Variants in ERO1A observed in about 807,000 individuals in gnomAD.
ERO1A encodes the protein endoplasmic reticulum oxidoreductase 1 alpha, also known as ERO1-like protein alpha.
In ERO1A, 49 loss-of-function variants were observed where a neutral mutation model predicts 76.9. That is an observed-to-expected ratio of 0.64 (90% CI 0.51 to 0.81). The LOEUF is 0.81. Among genes scored for constraint, ERO1A ranks in the 30% least tolerant of loss-of-function variants. ERO1A has a pLI of 0.00. For synonymous variants in ERO1A, 174 were observed against 181.2 expected (o/e 0.96, Z 0.32); for missense variants, 448 against 542.1 (o/e 0.83, Z 1.72).
At chr14:52,655,402 T>C (rs1301733591) in intron 11 of ERO1A, among the ~76,000 whole-genome samples, 2 of 152,098 alleles carry the variant, frequency 1.3e-5, no homozygotes, top group African/African-American at 4.8e-5. Context: ...GTGACATCTA[T>C]CTAATTTGCT....
intron 3 of ERO1A, among the ~76,000 whole-genome samples, chr14:52,680,769 ATT>A (rs1031803536): frequency 5.3e-5 from 8 of 152,190 alleles, no homozygotes; most frequent in African/African-American, 1.7e-4. Context: ...TAATCCTTTA[ATT>A]TTCAATAAGT....
chr14:52,692,944 G>A (rs34162828), intron 1 of ERO1A, among the ~76,000 whole-genome samples: 55,571 of 147,948 alleles, frequency 0.38, 10,607 homozygotes, highest in East Asian at 0.45. Context: ...TTCCACTACT[G>A]GCCCTATTGT....
At position 52,671,368 on chromosome 14, in the gene ERO1A, G is replaced by A. The variant is rs527252165; in HGVS notation, c.508+262C>T. ...TAGAAAAGGAACTGTTATGTCATAT[G>A]GTAATTCTACGTTTAGGTTTTTGAA... On this transcript the variant is annotated intron_variant, in intron 6 of 15. Transcript: ENST00000395686. Among the ~76,000 whole-genome samples the A allele has an allele frequency of 2.6e-5, 4 of 152,158 alleles. No homozygotes were observed. The East Asian group carries it at 7.7e-4, about 29-fold the overall frequency.
At chr14:52,647,041 A>G (rs1263816155) in intron 13 of ERO1A, 2 of 133,148 alleles carry the variant, frequency 1.5e-5, no homozygotes, top group Admixed American at 8.8e-5. Flanking sequence ...CAGTGGGGGA[A>G]TCTCGCTCAC....
intron 1 of ERO1A, among the ~76,000 whole-genome samples, chr14:52,688,042 C>T (rs1247748258): frequency 6.6e-6 from 1 of 152,026 alleles, no homozygotes; most frequent in Admixed American, 6.6e-5. Context: ...AAATAACTAG[C>T]CAGGCATTGG....
chr14:52,688,009 G>A (rs2139782342), intron 1 of ERO1A, among the ~76,000 whole-genome samples: 1 of 152,180 alleles, frequency 6.6e-6, no homozygotes, highest in African/African-American at 2.4e-5. Flanking sequence ...AACACAGTGA[G>A]GCCCTATCTC....
chr14:52,657,382 T>C (rs1234519224), intron 11 of ERO1A, among the ~76,000 whole-genome samples: 1 of 152,172 alleles, frequency 6.6e-6, no homozygotes, highest in East Asian at 1.9e-4. Flanking sequence ...AGTGAGACCC[T>C]GTCTCAATCA....
chr14:52,690,643 G>C (rs1198393800), intron 1 of ERO1A, among the ~76,000 whole-genome samples: 1 of 152,096 alleles, frequency 6.6e-6, no homozygotes, highest in Non-Finnish European at 1.5e-5. Flanking sequence ...AGAGTTTGCA[G>C]TGAGCCAAGA....
chr14:52,667,603 T>C (rs1422190193), intron 6 of ERO1A, among the ~76,000 whole-genome samples: 1 of 151,826 alleles, frequency 6.6e-6, no homozygotes, highest in Non-Finnish European at 1.5e-5. Context: ...GTGCCTGTGG[T>C]CCCAGCTACC....
At position 52,691,144 on chromosome 14, in the gene ERO1A, T is replaced by G. The variant is rs188720742; in HGVS notation, c.114+4224A>C. Among the ~76,000 whole-genome samples, 9 of 152,338 alleles carry G rather than the reference T, an allele frequency of 5.9e-5. No homozygotes were observed. In the East Asian group the frequency reaches 1.7e-3, roughly 29 times the overall value. On this transcript the variant is annotated intron_variant, in intron 1 of 15. Transcript: ENST00000395686. ...ATCAATGTGCTCAAAGTGTGCTTTA[T>G]TTGGCAAAGAACTTCAGGTGTATTT...
At chr14:52,645,330 T>A (rs1007956596) in intron 15 of ERO1A, among the ~76,000 whole-genome samples, 7 of 149,294 alleles carry the variant, frequency 4.7e-5, no homozygotes, top group African/African-American at 1.7e-4. Context: ...TGAGATGATG[T>A]CTTGCTCTGT....
At chr14:52,685,917 A>C (rs999396266) in intron 1 of ERO1A, among the ~76,000 whole-genome samples, 2 of 152,224 alleles carry the variant, frequency 1.3e-5, no homozygotes, top group African/African-American at 4.8e-5. Flanking sequence ...TACTTCCAGA[A>C]AGCACACAGT....
chr14:52,672,089 G>C (rs1460928819), intron 4 of ERO1A: 2 of 385,820 alleles, frequency 5.2e-6, no homozygotes, highest in Non-Finnish European at 9.2e-6. Context: ...TGGATCACCT[G>C]AAGTCAGGAG....
At chr14:52,647,705 T>C (rs1283143795) in intron 13 of ERO1A, among the ~76,000 whole-genome samples, 2 of 152,178 alleles carry the variant, frequency 1.3e-5, no homozygotes, top group African/African-American at 4.8e-5. Flanking sequence ...AACACATCCT[T>C]CTTTTCCTTC....
rs771189185 is a variant in ERO1A at position 52,678,487 on chromosome 14, AAT to A, written c.319-17_319-16del. 2 of 1,608,036 alleles carry A rather than the reference AAT, an allele frequency of 1.2e-6. No homozygotes were observed. Among genetic ancestry groups the A allele is most frequent in the African/African-American group, 1.3e-5 (1 of 74,826 alleles). ...GGAACTTCATCCTGAAAAAGAAAAA[AAT>A]ATGTTTTTAGTTGGCATTTATTCTA... is the stretch of plus-strand genomic sequence containing the variant. On this transcript the variant is annotated splice_polypyrimidine_tract_variant and intron_variant, in intron 3 of 15. Transcript: ENST00000395686.
At chr14:52,646,019 G>A (rs748825557) in intron 15 of ERO1A, 135 bp downstream of exon 15, 3 of 1,031,710 alleles carry the variant, frequency 2.9e-6, no homozygotes, top group Non-Finnish European at 2.7e-6. Flanking sequence ...CTGGGCTACA[G>A]ACCAAAACTC....
intron 1 of ERO1A, among the ~76,000 whole-genome samples, chr14:52,687,029 G>A (rs988220088): frequency 7.2e-5 from 11 of 152,144 alleles, no homozygotes; most frequent in South Asian, 2.1e-4. Flanking sequence ...GAAGATTCTC[G>A]GAAATCCATG....
intron 15 of ERO1A, 50 bp from the exon 16 acceptor site, chr14:52,643,680 CT>C (rs2039550257): frequency 1.0e-6 from 1 of 987,236 alleles, no homozygotes; most frequent in South Asian, 1.8e-5. Flanking sequence ...TAAATTTTAT[CT>C]GTAAAAGTTA....
rs1305073741 is a variant in ERO1A at position 52,657,999 on chromosome 14, TAC to T, written c.724_725del (p.Val242ArgfsTer17). 2.5e-6 allele frequency: 4 copies of T among 1,609,728 alleles called. No homozygotes were observed. Among genetic ancestry groups the T allele is most frequent in the South Asian group, 1.1e-5 (1 of 90,140 alleles). ...TFYSWLEGLC[V>X]EKRAFYRLIS... ...TAAGTCTGTAGAATGCTCTTTTTTC[TAC>T]ACAGAGACCTAAGAAAAAGCAGTGA... On this transcript the variant is annotated frameshift_variant, in exon 11 of 16. Coordinates refer to ENST00000395686, the MANE Select transcript of ERO1A (RefSeq NM_014584.3). LOFTEE classifies it high-confidence loss of function.
Sources: gnomAD v4.1 joint callset for allele counts (sites outside exome capture counted in the v4.1 genomes callset) on GRCh38, gnomAD v4.1.1 for gene constraint, MANE v1.5 for transcripts, NCBI Gene and HGNC (gene_info 2026-07-23, HGNC 2026-07-21) for gene names.